The following KDM1B variants were observed in gnomAD, a reference collection of about 807,000 sequenced individuals.
The protein encoded by KDM1B is lysine-specific histone demethylase 2.
A neutral mutation model predicts 107.4 loss-of-function variants in KDM1B; 63 were observed. The ratio of observed to expected loss-of-function variants is 0.59; its 90% CI spans 0.48 to 0.72. The LOEUF (loss-of-function observed/expected upper bound fraction) is 0.72, where lower values mean the gene tolerates loss of function less well. Ranked by LOEUF, KDM1B falls within the 30% of genes least tolerant of loss-of-function variation. The probability of loss-of-function intolerance (pLI) is 0.00; values close to 1 mark genes in which losing one functional copy is unlikely to be tolerated. For missense variants in KDM1B, 749 were observed against 1,020.8 expected (o/e 0.73, Z 3.63); for synonymous variants, 363 against 363.9 (o/e 1.00, Z 0.03).
chr6:18,208,283 A>G lies in KDM1B; in HGVS notation c.1866+77A>G, dbSNP rs1381246171. On this transcript the variant is annotated intron_variant, in intron 17 of 21. Transcript: ENST00000650836. ...TTGGAGGGAAGGACAAATCTTTCCT[A>G]TCAAGGAGTTTGCCTTTGGGAATCT... 1.2e-5 allele frequency: 13 copies of G among 1,090,840 alleles called. No homozygotes were observed. The East Asian group carries it at 2.6e-4, about 22-fold the overall frequency. The allele number at this position is 1,090,840 out of a possible 1,614,324, so 67.6% of individuals were successfully genotyped here.
chr6:18,189,159 C>G (rs1787104198), intron 9 of KDM1B, among the ~76,000 whole-genome samples: 1 of 152,088 alleles, frequency 6.6e-6, no homozygotes, highest in East Asian at 1.9e-4. Flanking sequence ...TTCTGGATTT[C>G]CTACGCCTGG....
intron 7 of KDM1B, among the ~76,000 whole-genome samples, chr6:18,182,788 C>G (rs1582129598): frequency 6.6e-6 from 1 of 152,160 alleles, no homozygotes; most frequent in Non-Finnish European, 1.5e-5. Flanking sequence ...ACCTTGGTCT[C>G]CCAAAGTGCT....
chr6:18,214,961 G>T lies in KDM1B; in HGVS notation c.2110-46G>T, dbSNP rs914293840. On this transcript the variant is annotated intron_variant, in intron 19 of 21. Transcript: ENST00000650836. The surrounding 1 kb of genome is among the most constrained non-coding windows in gnomAD (Gnocchi z 4.4). ...AAAAAAAAGAGGCCCTTATCTGTGGGAGCTGAGCACTCACAGACCTCCTGC... is the reference window on the plus strand; with the variant it reads ...AAAAAAAAGAGGCCCTTATCTGTGGTAGCTGAGCACTCACAGACCTCCTGC... The T allele has an allele frequency of 4.4e-6, 7 of 1,596,072 alleles. No individual in the cohort carries two copies. The highest frequency in any genetic ancestry group is 3.3e-4 in the Middle Eastern group (2 of 5,974).
intron 17 of KDM1B, among the ~76,000 whole-genome samples, chr6:18,208,812 T>G (rs28684618): frequency 0.11 from 7,269 of 67,630 alleles, 608 homozygotes; most frequent in African/African-American, 0.33. Context: ...GCCTGGCTAA[T>G]TTTTTTTTTT....
intron 3 of KDM1B, among the ~76,000 whole-genome samples, chr6:18,160,352 T>C (rs1037709956): frequency 6.6e-6 from 1 of 152,178 alleles, no homozygotes; most frequent in African/African-American, 2.4e-5. Context: ...GAGGGTTATG[T>C]ATAGGGCTTT....
chr6:18,157,726 A>C (rs922620120), intron 2 of KDM1B, among the ~76,000 whole-genome samples: 10 of 151,596 alleles, frequency 6.6e-5, no homozygotes, highest in African/African-American at 2.2e-4. Context: ...GTGTCTATGA[A>C]GAGATTTGTT....
At chr6:18,157,437 G>C (rs1381072140) in intron 2 of KDM1B, among the ~76,000 whole-genome samples, 1 of 152,118 alleles carries the variant, frequency 6.6e-6, no homozygotes, top group Non-Finnish European at 1.5e-5. Flanking sequence ...AGATTAAAAT[G>C]TTTGATGAAA....
Position 18,203,347 on chromosome 6 carries a change from TTCATC to T in KDM1B, c.1531+1692_1531+1696del, listed in dbSNP as rs948875623. On this transcript the variant is annotated intron_variant, in intron 14 of 21. Transcript: ENST00000650836. This position sits in a 1 kb window ranked among gnomAD's most constrained non-coding sequence, Gnocchi z 5.5. ...CAATTCTTACTGTGTAAGTGGGTAT[TTCATC>T]TTATCAATAGCTTGTTTAAAAGCTT... Among the ~76,000 whole-genome samples, 4 of 152,168 alleles carry T rather than the reference TTCATC, an allele frequency of 2.6e-5. No individual in the cohort carries two copies. Among genetic ancestry groups the T allele is most frequent in the Non-Finnish European group, 5.9e-5 (4 of 68,030 alleles).
chr6:18,175,223 T>G (rs1302766351), intron 7 of KDM1B, among the ~76,000 whole-genome samples: 3 of 152,246 alleles, frequency 2.0e-5, no homozygotes, highest in Non-Finnish European at 4.4e-5. Flanking sequence ...TCGACTTGCG[T>G]TTCCCCAATC....
At chr6:18,167,509 T>C (rs919024724) in intron 6 of KDM1B, among the ~76,000 whole-genome samples, 8 of 152,070 alleles carry the variant, frequency 5.3e-5, no homozygotes, top group African/African-American at 1.9e-4. Flanking sequence ...GGTCTCACTC[T>C]GTTGCCCAGG....
chr6:18,177,241 G>A (rs537168377), intron 7 of KDM1B, among the ~76,000 whole-genome samples: 2 of 152,074 alleles, frequency 1.3e-5, no homozygotes, highest in Non-Finnish European at 2.9e-5. Context: ...AGGTTTTCTA[G>A]ATTATGTGCG....
chr6:18,212,076 T>G lies in KDM1B; in HGVS notation c.1867-412T>G. On this transcript the variant is annotated intron_variant, in intron 17 of 21. Transcript: ENST00000650836. The surrounding 1 kb of genome is among the most constrained non-coding windows in gnomAD (Gnocchi z 5.2). ...TTCTCCTGCCTCAGCTTCCCAAGTA[T>G]CTGGCACTACAGGCACCTGCCACCA... 1 of 173,470 alleles carries G rather than the reference T, an allele frequency of 5.8e-6. No individual in the cohort carries two copies. The highest frequency in any genetic ancestry group is 1.2e-5 in the Non-Finnish European group (1 of 81,274). The allele number at this position is 173,470 out of a possible 1,614,324, so 10.7% of individuals were successfully genotyped here.
rs915207543 is a variant in KDM1B at position 18,186,610 on chromosome 6, A to G, written c.573+800A>G. On this transcript the variant is annotated intron_variant, in intron 8 of 21. Coordinates refer to ENST00000650836, the MANE Select transcript of KDM1B (RefSeq NM_001364614.2). The surrounding 1 kb of genome is among the most constrained non-coding windows in gnomAD (Gnocchi z 5.6). ...TTAGTCCGTTCTCACGCTGCTTGCT[A>G]TAAAGAACTGCCTGAGACTAGGTAA... Among the ~76,000 whole-genome samples the G allele has an allele frequency of 6.6e-6, 1 of 152,176 alleles. No homozygotes were observed. Among genetic ancestry groups the G allele is most frequent in the Non-Finnish European group, 1.5e-5 (1 of 68,038 alleles).
At chr6:18,195,421 T>G (rs1280949837) in intron 10 of KDM1B, among the ~76,000 whole-genome samples, 1 of 152,182 alleles carries the variant, frequency 6.6e-6, no homozygotes, top group Non-Finnish European at 1.5e-5. Flanking sequence ...GTGTACAATC[T>G]GATGTTTTGA....
In KDM1B at chr6:18,201,670, C is replaced by A; in HGVS notation, c.1531+13C>A. 6.5e-7 allele frequency: 1 copy of A among 1,533,492 alleles called. No individual in the cohort carries two copies. The highest frequency in any genetic ancestry group is 8.8e-7 in the Non-Finnish European group (1 of 1,139,898). The allele number at this position is 1,533,492 out of a possible 1,614,324, so 95.0% of individuals were successfully genotyped here. A position where few individuals can be genotyped will look rare whatever the true frequency, so the allele number is the denominator to read the frequency against. On this transcript the variant is annotated intron_variant, in intron 14 of 21. Transcript: ENST00000650836. This position sits in a 1 kb window ranked among gnomAD's most constrained non-coding sequence, Gnocchi z 4.3. ...GTCCCTTTAGGAGGTATGGGGAGAA[C>A]GGTGTTCTGATTGTTCCATCTCAGT...
Position 18,200,103 on chromosome 6 carries a change from G to A in KDM1B, c.1222-336G>A, listed in dbSNP as rs1787936085. Among the ~76,000 whole-genome samples the A allele has an allele frequency of 6.6e-6, 1 of 152,120 alleles. No homozygotes were observed. Among genetic ancestry groups the A allele is most frequent in the African/African-American group, 2.4e-5 (1 of 41,426 alleles). ...TGGCCAAACTGGTCACAAACTCTTG[G>A]CCTCATGTGATCCTCCTGCCTCGGC... On this transcript the variant is annotated intron_variant, in intron 12 of 21. Coordinates refer to ENST00000650836, the MANE Select transcript of KDM1B (RefSeq NM_001364614.2). The surrounding 1 kb of genome is among the most constrained non-coding windows in gnomAD (Gnocchi z 4.3).
intron 7 of KDM1B, among the ~76,000 whole-genome samples, chr6:18,184,273 C>CT (rs1163110910): frequency 0.16 from 18,289 of 116,346 alleles, 2,122 homozygotes; most frequent in East Asian, 0.34. Context: ...GTTCTAGCTT[C>CT]TTTTTTTTTT....
chr6:18,175,574 T>C (rs1785939742), intron 7 of KDM1B, among the ~76,000 whole-genome samples: 1 of 152,212 alleles, frequency 6.6e-6, no homozygotes, highest in Non-Finnish European at 1.5e-5. Flanking sequence ...GAAAGGTTTT[T>C]CTAGTATTTC....
At position 18,191,509 on chromosome 6, in the gene KDM1B, G is replaced by A. The variant is rs1017771760; in HGVS notation, c.969+128G>A. The A allele has an allele frequency of 2.9e-6, 3 of 1,051,280 alleles. No individual in the cohort carries two copies. The African/African-American group carries it at 4.8e-5, about 17-fold the overall frequency. 65.1% of individuals were successfully genotyped at this position (1,051,280 alleles called of 1,614,324 possible). A position where few individuals can be genotyped will look rare whatever the true frequency, so the allele number is the denominator to read the frequency against. On this transcript the variant is annotated intron_variant, in intron 10 of 21. Coordinates refer to ENST00000650836, the MANE Select transcript of KDM1B (RefSeq NM_001364614.2). This position sits in a 1 kb window ranked among gnomAD's most constrained non-coding sequence, Gnocchi z 5.1. ...TCAGCCGTGCCTCTGTTGACAATTTGGGCAGATAATTCTTTGTGGTGGGGA... is the reference window on the plus strand; with the variant it reads ...TCAGCCGTGCCTCTGTTGACAATTTAGGCAGATAATTCTTTGTGGTGGGGA...
Sources: gnomAD v4.1 joint callset for allele counts (sites outside exome capture counted in the v4.1 genomes callset) on GRCh38, gnomAD v4.1.1 for gene constraint, Gnocchi (gnomAD v3.1) non-coding constraint, MANE v1.5 for transcripts, NCBI Gene and HGNC (gene_info 2026-07-23, HGNC 2026-07-21) for gene names.